PTPRG: variants seen among roughly 807,000 people sequenced by gnomAD.
PTPRG encodes the protein receptor-type tyrosine-protein phosphatase gamma.
Under a neutral mutation model 165.3 loss-of-function variants are expected in PTPRG, and 102 were observed. The observed-to-expected ratio is 0.62, with a 90% CI of 0.53 to 0.73. The LOEUF (loss-of-function observed/expected upper bound fraction) is 0.73. Ranked by LOEUF, PTPRG falls within the 30% of genes least tolerant of loss-of-function variation. PTPRG has a pLI of 0.00. For missense variants in PTPRG, 1,866 were observed against 1,861.4 expected (o/e 1.00, Z -0.05); for synonymous variants, 675 against 669.5 (o/e 1.01, Z -0.13).
chr3:62,157,468 G>C (rs1185439160), intron 7 of PTPRG, among the ~76,000 whole-genome samples: 1 of 152,176 alleles, frequency 6.6e-6, no homozygotes, highest in Non-Finnish European at 1.5e-5. Flanking sequence ...TCTGAGTATT[G>C]TTTAAGTATT....
At chr3:61,988,063 T>G (rs2040804089) in intron 2 of PTPRG, among the ~76,000 whole-genome samples, 1 of 152,062 alleles carries the variant, frequency 6.6e-6, no homozygotes, top group Non-Finnish European at 1.5e-5. Context: ...TTTTTCCGGA[T>G]AGTAGCGCGA....
chr3:62,186,750 A>G (rs1175326140), intron 8 of PTPRG, among the ~76,000 whole-genome samples: 2 of 151,626 alleles, frequency 1.3e-5, no homozygotes, highest in South Asian at 2.1e-4. Flanking sequence ...GTTTTTTTCT[A>G]GAGCCGGGGT....
rs759385441 is a variant in PTPRG at position 62,099,793 on chromosome 3, C to CTT, written c.615+21557_615+21558dup. Among the ~76,000 whole-genome samples, 373 of 90,650 alleles carry CTT rather than the reference C, an allele frequency of 4.1e-3. 2 individuals carry two copies. Among genetic ancestry groups the CTT allele is most frequent in the African/African-American group, 7.4e-3 (162 of 22,032 alleles). 59.5% of individuals were successfully genotyped at this position (90,650 alleles called of 152,430 possible). A position where few individuals can be genotyped will look rare whatever the true frequency, so the allele number is the denominator to read the frequency against. On this transcript the variant is annotated intron_variant, in intron 5 of 29. Coordinates refer to ENST00000474889, the MANE Select transcript of PTPRG (RefSeq NM_002841.4). Reference sequence around the variant, plus strand: ...TAGTCATAGTACTTAAGTGTTAAATCTTTTTTTTTTTTTTTTTTTTTTTGA... The same window carrying CTT: ...TAGTCATAGTACTTAAGTGTTAAATCTTTTTTTTTTTTTTTTTTTTTTTTTGA...
At chr3:61,640,458 T>C (rs1325914813) in intron 1 of PTPRG, among the ~76,000 whole-genome samples, 1 of 152,164 alleles carries the variant, frequency 6.6e-6, no homozygotes, top group Non-Finnish European at 1.5e-5. Context: ...TTGTAGAACA[T>C]AAACCAAGGA....
intron 5 of PTPRG, among the ~76,000 whole-genome samples, chr3:62,112,161 T>G (rs1188120801): frequency 1.3e-5 from 2 of 152,028 alleles, no homozygotes; most frequent in Non-Finnish European, 1.5e-5. Context: ...AGTGCAGTGG[T>G]GTGATCTTGG....
chr3:62,142,773 G>A (rs1016776309), intron 6 of PTPRG, among the ~76,000 whole-genome samples: 2 of 152,138 alleles, frequency 1.3e-5, no homozygotes, highest in African/African-American at 4.8e-5. Flanking sequence ...ATTAGAAACA[G>A]GAATCAGAAA....
intron 2 of PTPRG, among the ~76,000 whole-genome samples, chr3:61,945,981 C>A (rs2039751453): frequency 6.6e-6 from 1 of 151,652 alleles, no homozygotes. Context: ...AGCCAACTTT[C>A]TTGATTGATT....
chr3:61,991,403 G>GC (rs1366525668), intron 3 of PTPRG, among the ~76,000 whole-genome samples: 1 of 152,046 alleles, frequency 6.6e-6, no homozygotes, highest in East Asian at 1.9e-4. Context: ...ACGGAATTTT[G>GC]CCATGTTGGC....
intron 2 of PTPRG, among the ~76,000 whole-genome samples, chr3:61,895,054 G>A (rs986136857): frequency 5.9e-5 from 9 of 152,140 alleles, no homozygotes; most frequent in Non-Finnish European, 2.9e-5. Context: ...GATGGACGTC[G>A]TTAAACATCC....
chr3:62,202,800 A>C (rs981371739), intron 11 of PTPRG, among the ~76,000 whole-genome samples: 3 of 152,148 alleles, frequency 2.0e-5, no homozygotes, highest in African/African-American at 7.2e-5. Flanking sequence ...TCTGCCTCTC[A>C]TCACCCCAAG....
chr3:61,994,933 C>T (rs1157363984), intron 3 of PTPRG, among the ~76,000 whole-genome samples: 1 of 152,080 alleles, frequency 6.6e-6, no homozygotes, highest in African/African-American at 2.4e-5. Context: ...TGACTGCTGC[C>T]TCTCTGCAGC....
At chr3:61,639,213 G>A (rs188312617) in intron 1 of PTPRG, among the ~76,000 whole-genome samples, 370 of 152,232 alleles carry the variant, frequency 2.4e-3, no homozygotes, top group African/African-American at 8.4e-3. Context: ...AGATCAGATG[G>A]CTATCAATGT....
intron 6 of PTPRG, among the ~76,000 whole-genome samples, chr3:62,137,360 C>A (rs765349951): frequency 6.6e-6 from 1 of 151,934 alleles, no homozygotes; most frequent in Non-Finnish European, 1.5e-5. Context: ...GTTTGTGAAT[C>A]GGTGTAAAAA....
At chr3:61,613,604 G>A (rs970218206) in intron 1 of PTPRG, among the ~76,000 whole-genome samples, 1 of 152,176 alleles carries the variant, frequency 6.6e-6, no homozygotes, top group African/African-American at 2.4e-5. Context: ...TAATCTGTGT[G>A]GGAGAGATTC....
At chr3:61,959,881 A>C (rs959471497) in intron 2 of PTPRG, among the ~76,000 whole-genome samples, 1 of 152,078 alleles carries the variant, frequency 6.6e-6, no homozygotes, top group African/African-American at 2.4e-5. Flanking sequence ...GGTACATTGC[A>C]TTCATTTTAC....
intron 1 of PTPRG, among the ~76,000 whole-genome samples, chr3:61,720,124 T>C (rs937206133): frequency 1.3e-5 from 2 of 151,980 alleles, no homozygotes; most frequent in Non-Finnish European, 2.9e-5. Flanking sequence ...CAAGGGAATT[T>C]TTTTTTTTTT....
In PTPRG at chr3:61,815,401, AAAAATT is replaced by A. The variant is rs1164987603; in HGVS notation, c.190+66430_190+66435del. Among the ~76,000 whole-genome samples the A allele has an allele frequency of 4.6e-5, 7 of 152,252 alleles. No homozygotes were observed. In the East Asian group the frequency reaches 7.7e-4, roughly 17 times the overall value. On this transcript the variant is annotated intron_variant, in intron 2 of 29. Coordinates refer to ENST00000474889, the MANE Select transcript of PTPRG (RefSeq NM_002841.4). The stretch of plus-strand genomic sequence containing the variant: ...CTGGGCAACAGAACGAGACCGTCTC[AAAAATT>A]AAAATTAAAAATAAAAATAAAAGAA...
At position 61,738,284 on chromosome 3, in the gene PTPRG, A is replaced by ATG. The variant is rs1559583185; in HGVS notation, c.86-10593_86-10592insGT. On this transcript the variant is annotated intron_variant, in intron 1 of 29. Coordinates refer to ENST00000474889, the MANE Select transcript of PTPRG (RefSeq NM_002841.4). ...TATATATATATATATATATACATAT[A>ATG]TATATATATATATATATATATATAT... Among the ~76,000 whole-genome samples the ATG allele has an allele frequency of 2.0e-4, 16 of 78,132 alleles. 1 individual carries two copies. Among genetic ancestry groups the ATG allele is most frequent in the African/African-American group, 9.0e-4 (16 of 17,780 alleles). The allele number at this position is 78,132 out of a possible 152,430, so 51.3% of individuals were successfully genotyped here.
chr3:62,184,098 C>G (rs1705771749), intron 8 of PTPRG, among the ~76,000 whole-genome samples: 1 of 152,156 alleles, frequency 6.6e-6, no homozygotes, highest in Admixed American at 6.5e-5. Flanking sequence ...CTCTGAAGCC[C>G]AGTGTCATCA....
Sources: gnomAD v4.1 joint callset for allele counts (sites outside exome capture counted in the v4.1 genomes callset) on GRCh38, gnomAD v4.1.1 for gene constraint, MANE v1.5 for transcripts, NCBI Gene and HGNC (gene_info 2026-07-23, HGNC 2026-07-21) for gene names.